GRID2: variants seen among roughly 807,000 people sequenced by gnomAD.
GRID2 encodes the protein glutamate receptor ionotropic, delta-2.
A neutral mutation model predicts 114.8 loss-of-function variants in GRID2; 33 were observed. The ratio of observed to expected loss-of-function variants is 0.29; its 90% CI spans 0.22 to 0.38. The LOEUF is 0.38. Among genes scored for constraint, GRID2 ranks in the 10% least tolerant of loss-of-function variants. The pLI is 1.00. For synonymous variants in GRID2, 505 were observed against 449.9 expected (o/e 1.12, Z -1.55); for missense variants, 1,184 against 1,257.7 (o/e 0.94, Z 0.89).
Position 92,707,637 on chromosome 4 carries a change from G to A in GRID2, c.244+117351G>A, listed in dbSNP as rs1379513835. ...GAATGAAAGAGGCATTTGAGAGGAA[G>A]CCTGGTATGAGATGTAGCTTTTGAG... On this transcript the variant is annotated intron_variant, in intron 2 of 15. Transcript: ENST00000282020. 3.3e-5 allele frequency among the ~76,000 whole-genome samples: 5 copies of A among 152,314 alleles called. No individual in the cohort carries two copies. In the East Asian group the frequency reaches 9.7e-4, roughly 29 times the overall value.
chr4:93,777,951 A>G (rs1282016469), downstream of GRID2, among the ~76,000 whole-genome samples: 5 of 152,192 alleles, frequency 3.3e-5, no homozygotes, highest in African/African-American at 1.2e-4. Context: ...TAAAAATTGG[A>G]CATCAGTATT....
At chr4:92,844,142 G>A (rs1290253390) in intron 2 of GRID2, among the ~76,000 whole-genome samples, 2 of 152,090 alleles carry the variant, frequency 1.3e-5, no homozygotes, top group East Asian at 1.9e-4. Flanking sequence ...TCAACAAGGA[G>A]TATAATTCCG....
intron 2 of GRID2, among the ~76,000 whole-genome samples, chr4:92,672,137 G>A (rs1422691659): frequency 1.3e-5 from 2 of 152,118 alleles, no homozygotes; most frequent in African/African-American, 4.8e-5. Flanking sequence ...ATATTCAAAT[G>A]AGAGAGAATC....
chr4:93,509,815 C>T (rs980044188), intron 12 of GRID2, among the ~76,000 whole-genome samples: 2 of 152,154 alleles, frequency 1.3e-5, no homozygotes, highest in African/African-American at 4.8e-5. Context: ...ACCCTCACGG[C>T]ATATTAGTTG....
At chr4:93,236,382 C>T (rs941630543) in intron 7 of GRID2, among the ~76,000 whole-genome samples, 18 of 151,954 alleles carry the variant, frequency 1.2e-4, no homozygotes, top group Admixed American at 7.9e-4. Flanking sequence ...AATGCTGATT[C>T]GGTCTCCAAG....
intron 1 of GRID2, among the ~76,000 whole-genome samples, chr4:92,418,436 T>C (rs1437173156): frequency 6.6e-6 from 1 of 152,042 alleles, no homozygotes; most frequent in East Asian, 1.9e-4. Context: ...AATTGTGACC[T>C]GATTGCATTT....
intron 1 of GRID2, among the ~76,000 whole-genome samples, chr4:92,317,911 A>G (rs1303585059): frequency 6.6e-6 from 1 of 152,192 alleles, no homozygotes; most frequent in Non-Finnish European, 1.5e-5. Flanking sequence ...TGCTTGCATC[A>G]TATTTATGGT....
intron 1 of GRID2, among the ~76,000 whole-genome samples, chr4:92,417,877 G>A (rs1043937765): frequency 7.9e-5 from 12 of 152,022 alleles, no homozygotes; most frequent in African/African-American, 1.4e-4. Context: ...GCGATCTGAC[G>A]GTTTTATAAA....
intron 1 of GRID2, among the ~76,000 whole-genome samples, chr4:93,796,706 G>A (rs1734810442): frequency 6.6e-6 from 1 of 152,082 alleles, no homozygotes; most frequent in African/African-American, 2.4e-5. Context: ...ACCACACCTG[G>A]ATATTTTTTA....
Position 93,703,022 on chromosome 4 carries a change from A to T in GRID2, c.2361-66188A>T, listed in dbSNP as rs1727644139. On this transcript the variant is annotated intron_variant, in intron 14 of 15. Coordinates refer to ENST00000282020, the MANE Select transcript of GRID2 (RefSeq NM_001510.4). ...AGCAAATAACTGAAAGGGGTGAAGGAAAAAAGCTATACATTTTCACTCTTA... is the reference window on the plus strand; with the variant it reads ...AGCAAATAACTGAAAGGGGTGAAGGTAAAAAGCTATACATTTTCACTCTTA... Among the ~76,000 whole-genome samples the T allele has an allele frequency of 2.6e-5, 3 of 113,936 alleles. No homozygotes were observed. The Admixed American group carries it at 3.7e-4, about 14-fold the overall frequency. 74.7% of individuals were successfully genotyped at this position (113,936 alleles called of 152,430 possible).
intron 2 of GRID2, among the ~76,000 whole-genome samples, chr4:92,647,086 T>G (rs1190820684): frequency 2.0e-5 from 3 of 152,202 alleles, no homozygotes; most frequent in Non-Finnish European, 2.9e-5. Context: ...AGGCAATGTT[T>G]CCCAATATGT....
chr4:93,646,468 A>G (rs901023170), intron 14 of GRID2, among the ~76,000 whole-genome samples: 6 of 152,302 alleles, frequency 3.9e-5, no homozygotes, highest in Middle Eastern at 3.4e-3. Context: ...ATAAAAGGAG[A>G]TTAAAGAGTT....
Position 93,421,959 on chromosome 4 carries a change from C to A in GRID2, c.1348-812C>A, listed in dbSNP as rs546212728. On this transcript the variant is annotated intron_variant, in intron 9 of 15. Coordinates refer to ENST00000282020, the MANE Select transcript of GRID2 (RefSeq NM_001510.4). ...CATGAATGGTTATCTGTAAATATTACTGTTGCTGAAAGATTTCTGAACAAA... is the reference window on the plus strand; with the variant it reads ...CATGAATGGTTATCTGTAAATATTAATGTTGCTGAAAGATTTCTGAACAAA... Among the ~76,000 whole-genome samples the A allele has an allele frequency of 2.0e-5, 3 of 152,084 alleles. No homozygotes were observed. The South Asian group carries it at 6.2e-4, about 32-fold the overall frequency.
intron 11 of GRID2, among the ~76,000 whole-genome samples, chr4:93,487,626 C>T (rs1372258520): frequency 6.6e-6 from 1 of 151,840 alleles, no homozygotes; most frequent in Non-Finnish European, 1.5e-5. Flanking sequence ...TACCACCTAA[C>T]CATTGAATAC....
rs75573740 is a variant in GRID2 at position 92,719,435 on chromosome 4, A to G, written c.244+129149A>G. Among the ~76,000 whole-genome samples, 912 of 152,296 alleles carry G rather than the reference A, an allele frequency of 6.0e-3. 4 individuals carry two copies. The highest frequency in any genetic ancestry group is 0.021 in the African/African-American group (877 of 41,570). ...TTTCTTGTAAATATTAAATGCTACAATGGTTTAATTAATGATCGTTACTCT... is the reference window on the plus strand; with the variant it reads ...TTTCTTGTAAATATTAAATGCTACAGTGGTTTAATTAATGATCGTTACTCT... On this transcript the variant is annotated intron_variant, in intron 2 of 15. Transcript: ENST00000282020.
intron 2 of GRID2, among the ~76,000 whole-genome samples, chr4:92,666,650 GTTT>G (rs70942922): frequency 2.8e-4 from 19 of 68,594 alleles, no homozygotes; most frequent in Admixed American, 7.9e-4. Flanking sequence ...CTTAAGGGTT[GTTT>G]TTTTTTTTTT....
chr4:92,972,543 A>T (rs189108141), intron 2 of GRID2, among the ~76,000 whole-genome samples: 1 of 152,204 alleles, frequency 6.6e-6, no homozygotes, highest in Non-Finnish European at 1.5e-5. Context: ...CTATGATCCT[A>T]GTAAAAATAT....
At chr4:92,843,623 T>C (rs1743076673) in intron 2 of GRID2, among the ~76,000 whole-genome samples, 1 of 152,196 alleles carries the variant, frequency 6.6e-6, no homozygotes, top group South Asian at 2.1e-4. Flanking sequence ...AAATCTATTT[T>C]ATGTTATCTT....
intron 2 of GRID2, among the ~76,000 whole-genome samples, chr4:93,023,348 A>C (rs372512567): frequency 1.3e-5 from 2 of 152,008 alleles, no homozygotes; most frequent in South Asian, 2.1e-4. Flanking sequence ...AAAATATCAT[A>C]AGATATTCTT....
Sources: allele counts gnomAD v4.1 joint callset (sites outside exome capture counted in the v4.1 genomes callset), GRCh38; gene constraint gnomAD v4.1.1; transcripts MANE v1.5; gene names NCBI Gene and HGNC (gene_info 2026-07-23, HGNC 2026-07-21).